The following SSBP3 variants were observed in gnomAD, a reference collection of about 807,000 sequenced individuals.
The protein encoded by SSBP3 is single-stranded DNA-binding protein 3.
SSBP3 carries 5 observed loss-of-function variants against 69.6 expected under a neutral mutation model. The observed-to-expected ratio is 0.07, with a 90% confidence interval of 0.04 to 0.15. The LOEUF is 0.15. Ranked by LOEUF, SSBP3 falls within the 10% of genes least tolerant of loss-of-function variation. The pLI, the probability that SSBP3 is intolerant of heterozygous loss-of-function variation, is 1.00. For synonymous variants in SSBP3, 196 were observed against 193.4 expected, an observed-to-expected ratio of 1.01 and a Z score of -0.11; for missense variants, 312 against 534.0, an observed-to-expected ratio of 0.58 and a Z score of 4.10.
Position 54,303,505 on chromosome 1 carries a change from C to T in SSBP3, c.277-21978G>A, listed in dbSNP as rs532326490. ...GCTGAGCCCTTCCTTGCACTCATCC[C>T]GTTCAATCCTGACGACAACTCTATG... On this transcript the variant is annotated intron_variant, in intron 4 of 17. Transcript: ENST00000610401. Among the ~76,000 whole-genome samples the T allele has an allele frequency of 2.0e-5, 3 of 152,328 alleles. No individual in the cohort carries two copies. In the East Asian group the frequency reaches 5.8e-4, roughly 29 times the overall value.
intron 13 of SSBP3, among the ~76,000 whole-genome samples, chr1:54,239,529 CCTCCCACCACCTGTGCT>C (rs1644567234): frequency 6.6e-6 from 1 of 150,614 alleles, no homozygotes; most frequent in Non-Finnish European, 1.5e-5. Flanking sequence ...CCTGTGCTCT[CCTCCCACCACCTGTGCT>C]CTCCCACCAC....
chr1:54,278,755 C>T (rs1317644282), intron 5 of SSBP3, among the ~76,000 whole-genome samples: 1 of 152,236 alleles, frequency 6.6e-6, no homozygotes, highest in East Asian at 1.9e-4. Flanking sequence ...TGGTGCAAAG[C>T]CTTTCTGCAG....
exon 1 of SSBP3, chr1:54,406,044 G>GCCA: frequency 7.1e-7 from 1 of 1,404,708 alleles, no homozygotes; most frequent in Non-Finnish European, 9.4e-7. Context: ...CCTCGCCGCC[G>GCCA]CCGCCGCCGC....
intron 4 of SSBP3, among the ~76,000 whole-genome samples, chr1:54,318,488 T>C (rs1044052001): frequency 6.6e-6 from 1 of 152,138 alleles, no homozygotes; most frequent in Non-Finnish European, 1.5e-5. Context: ...CTTGAGCCAA[T>C]TCTGCTTTCC....
At chr1:54,407,974 T>C (rs1333909857), upstream of SSBP3, among the ~76,000 whole-genome samples, 1 of 152,104 alleles carries the variant, frequency 6.6e-6, no homozygotes, top group East Asian at 1.9e-4. Flanking sequence ...GAAAAGGGGC[T>C]TTTAAAAGAA....
At chr1:54,289,234 C>T (rs1422714795) in intron 4 of SSBP3, among the ~76,000 whole-genome samples, 4 of 152,086 alleles carry the variant, frequency 2.6e-5, no homozygotes, top group Non-Finnish European at 5.9e-5. Flanking sequence ...TCTAGCTCTG[C>T]TCTTTCTGAC....
intron 4 of SSBP3, among the ~76,000 whole-genome samples, chr1:54,382,616 T>C (rs1348715902): frequency 6.6e-6 from 1 of 152,190 alleles, no homozygotes; most frequent in African/African-American, 2.4e-5. Context: ...ATTAGGACAA[T>C]TTTAGCAGAA....
intron 4 of SSBP3, among the ~76,000 whole-genome samples, chr1:54,316,703 AAT>A (rs1646119595): frequency 9.0e-6 from 1 of 111,012 alleles, no homozygotes; most frequent in Non-Finnish European, 1.9e-5. Flanking sequence ...TAAATAAATA[AAT>A]AAATAAAATA....
intron 13 of SSBP3, 100 bp downstream of exon 13, chr1:54,240,804 TG>T: frequency 6.7e-7 from 1 of 1,483,766 alleles, no homozygotes; most frequent in Non-Finnish European, 9.3e-7. Flanking sequence ...AAGGAGTGGC[TG>T]GTAAGCTCTG....
upstream of SSBP3, among the ~76,000 whole-genome samples, chr1:54,407,702 G>C (rs1326275030): frequency 6.8e-6 from 1 of 147,166 alleles, no homozygotes; most frequent in Non-Finnish European, 1.5e-5. Context: ...TTGGCTGCCT[G>C]TTTGGATACA....
chr1:54,227,149 G>A lies in SSBP3; in HGVS notation c.1149C>T (p.Ser383=), dbSNP rs766072005. The stretch of plus-strand genomic sequence containing the variant: ...GGGGGGATCACACACTCATCGTCAT[G>A]CTTGGAGAATACTGGAAAGGAGAAG... Residue 383 remains serine, a synonymous_variant, in exon 18 of 18, where the codon AGC becomes AGT. Coordinates refer to ENST00000610401, the Ensembl canonical transcript of SSBP3. 3 of 1,348,912 alleles carry A rather than the reference G, an allele frequency of 2.2e-6. No homozygotes were observed. The South Asian group carries it at 3.4e-5, about 15-fold the overall frequency. 83.6% of individuals were successfully genotyped at this position (1,348,912 alleles called of 1,614,324 possible).
exon 1 of SSBP3, chr1:54,406,087 C>T (rs1649742938): frequency 1.6e-5 from 20 of 1,236,736 alleles, no homozygotes; most frequent in African/African-American, 3.2e-5. Flanking sequence ...CCGAGCTGCC[C>T]CTCGCTCCCG....
At chr1:54,278,713 A>G (rs1461224460) in intron 5 of SSBP3, among the ~76,000 whole-genome samples, 3 of 152,230 alleles carry the variant, frequency 2.0e-5, no homozygotes, top group Non-Finnish European at 2.9e-5. Context: ...GGGTCTGGCC[A>G]TAGCTGGCTC....
intron 7 of SSBP3, among the ~76,000 whole-genome samples, chr1:54,254,430 C>T (rs1313443388): frequency 4.6e-5 from 7 of 152,218 alleles, no homozygotes; most frequent in Admixed American, 1.3e-4. Flanking sequence ...CACCACCCAT[C>T]CAATCACCCG....
exon 8 of SSBP3, chr1:54,251,832 G>A: frequency 6.2e-7 from 1 of 1,611,838 alleles, no homozygotes; most frequent in Non-Finnish European, 8.5e-7. Context: ...GGGCAGCAAT[G>A]GCTGTGTCCC....
exon 14 of SSBP3, chr1:54,239,151 G>A (rs772004232): frequency 4.6e-5 from 75 of 1,613,942 alleles, no homozygotes; most frequent in Non-Finnish European, 5.8e-5. Context: ...GCCTCCAGGC[G>A]GCACTGGATT....
intron 14 of SSBP3, among the ~76,000 whole-genome samples, chr1:54,233,685 C>A: frequency 6.8e-6 from 1 of 147,368 alleles, no homozygotes; most frequent in African/African-American, 2.5e-5. Flanking sequence ...CCCCTCTGCC[C>A]GGCCAGCCGC....
intron 4 of SSBP3, among the ~76,000 whole-genome samples, chr1:54,370,472 C>T (rs1303569178): frequency 6.6e-6 from 1 of 152,174 alleles, no homozygotes; most frequent in African/African-American, 2.4e-5. Flanking sequence ...GGAGGAATGC[C>T]GGAGTATGTG....
At chr1:54,412,706 A>G (rs926602377) in intron 1 of SSBP3, 7 of 152,150 alleles carry the variant, frequency 4.6e-5, no homozygotes, top group African/African-American at 1.7e-4. Context: ...ATTTTGTTAT[A>G]TATATTTTAC....
Sources: allele counts gnomAD v4.1 joint callset (sites outside exome capture counted in the v4.1 genomes callset), GRCh38; gene constraint gnomAD v4.1.1; transcripts MANE v1.5; gene names NCBI Gene and HGNC (gene_info 2026-07-23, HGNC 2026-07-21).